COL25A1: variants seen among roughly 807,000 people sequenced by gnomAD.
COL25A1 encodes collagen alpha-1(XXV) chain.
In COL25A1, 103 loss-of-function variants were observed where a neutral mutation model predicts 128.4. The ratio of observed to expected loss-of-function variants is 0.80; its 90% CI spans 0.68 to 0.94. COL25A1 has a LOEUF of 0.94. COL25A1 is among the 40% of genes least tolerant of loss of function. COL25A1 has a pLI of 0.00. For synonymous variants in COL25A1, 279 were observed against 277.2 expected (o/e 1.01, Z -0.06); for missense variants, 745 against 840.0 (o/e 0.89, Z 1.40).
intron 3 of COL25A1, among the ~76,000 whole-genome samples, chr4:109,238,130 A>G (rs1270974724): frequency 2.6e-5 from 4 of 152,028 alleles, no homozygotes; most frequent in African/African-American, 4.8e-5. Context: ...GTGGGTATAC[A>G]ACTATCTCTT....
chr4:108,884,770 C>T (rs1037030443), intron 18 of COL25A1, among the ~76,000 whole-genome samples: 1 of 152,232 alleles, frequency 6.6e-6, no homozygotes, highest in African/African-American at 2.4e-5. Flanking sequence ...TTAAACCTAA[C>T]TCCAGTCTGT....
chr4:108,862,324 G>A (rs781545265), intron 22 of COL25A1, among the ~76,000 whole-genome samples, 177 bp downstream of exon 22: 7 of 152,126 alleles, frequency 4.6e-5, no homozygotes, highest in African/African-American at 9.7e-5. Flanking sequence ...TGAAACAAAC[G>A]TATTGTTTTG....
chr4:109,125,912 T>C (rs1263485334), intron 3 of COL25A1, among the ~76,000 whole-genome samples: 1 of 151,982 alleles, frequency 6.6e-6, no homozygotes, highest in Non-Finnish European at 1.5e-5. Context: ...CCTTAAAAAA[T>C]ACTATCTACT....
At chr4:109,273,128 C>T (rs6857726) in intron 3 of COL25A1, among the ~76,000 whole-genome samples, 2 of 151,878 alleles carry the variant, frequency 1.3e-5, no homozygotes, top group African/African-American at 2.4e-5. Context: ...AAAAGAGGTC[C>T]GATGCCACAA....
intron 3 of COL25A1, among the ~76,000 whole-genome samples, chr4:109,209,474 A>C (rs1453145126): frequency 6.6e-6 from 1 of 152,300 alleles, no homozygotes; most frequent in East Asian, 1.9e-4. Context: ...AAAATTAAAC[A>C]GAAAAGATTA....
chr4:108,928,715 T>C (rs530281724), intron 11 of COL25A1, among the ~76,000 whole-genome samples: 1 of 151,972 alleles, frequency 6.6e-6, no homozygotes, highest in South Asian at 2.1e-4. Flanking sequence ...ATTTTTGTTT[T>C]TGTTTGTTTG....
At chr4:109,189,248 T>A (rs1578393771) in intron 3 of COL25A1, among the ~76,000 whole-genome samples, 1 of 152,074 alleles carries the variant, frequency 6.6e-6, no homozygotes, top group Non-Finnish European at 1.5e-5. Flanking sequence ...TTTTCTCCTA[T>A]TTAAGATTTT....
At chr4:109,097,829 A>C (rs1765537388) in intron 3 of COL25A1, among the ~76,000 whole-genome samples, 1 of 151,434 alleles carries the variant, frequency 6.6e-6, no homozygotes, top group Admixed American at 6.6e-5. Context: ...ACGCCCAGCT[A>C]ATTTTTGTAT....
intron 3 of COL25A1, among the ~76,000 whole-genome samples, chr4:109,244,262 C>A (rs1780109269): frequency 6.6e-6 from 1 of 151,924 alleles, no homozygotes; most frequent in Non-Finnish European, 1.5e-5. Context: ...ACAGTGTCTA[C>A]ACTGTGAATT....
At chr4:108,975,483 A>C (rs911492973) in intron 6 of COL25A1, among the ~76,000 whole-genome samples, 1 of 152,168 alleles carries the variant, frequency 6.6e-6, no homozygotes, top group Non-Finnish European at 1.5e-5. Context: ...ATAGTAATTC[A>C]TGTCTTTTGT....
chr4:109,195,805 G>T (rs773122234), intron 3 of COL25A1, among the ~76,000 whole-genome samples: 17 of 152,092 alleles, frequency 1.1e-4, no homozygotes, highest in Admixed American at 8.5e-4. Context: ...CAAAATGTTT[G>T]ATTCTGGAAA....
rs547355573 is a variant in COL25A1, at chr4:109,062,152, A to G, written c.368-11973T>C. On this transcript the variant is annotated intron_variant, in intron 3 of 37. Transcript: ENST00000399132. The stretch of plus-strand genomic sequence containing the variant: ...AGCTTCAAAGCATGCTGAAGTTTGG[A>G]CGAGTGTCAGAGGCCTAACTACAAG... Among the ~76,000 whole-genome samples the G allele has an allele frequency of 2.7e-3, 415 of 152,288 alleles. 3 individuals carry two copies. Among genetic ancestry groups the G allele is most frequent in the African/African-American group, 9.3e-3 (385 of 41,562 alleles).
intron 3 of COL25A1, among the ~76,000 whole-genome samples, chr4:109,102,070 ATATGAT>A (rs1377153707): frequency 6.6e-6 from 1 of 152,218 alleles, no homozygotes; most frequent in Non-Finnish European, 1.5e-5. Context: ...ACAGAGCATA[ATATGAT>A]TATCATGTTC....
At chr4:108,913,311 G>A (rs1436266703) in intron 13 of COL25A1, among the ~76,000 whole-genome samples, 1 of 123,538 alleles carries the variant, frequency 8.1e-6, no homozygotes, top group Non-Finnish European at 1.6e-5. Flanking sequence ...TTGTTGCCCA[G>A]GCTGGAGTGA....
chr4:109,264,370 C>T (rs1206358179), intron 3 of COL25A1, among the ~76,000 whole-genome samples: 3 of 152,068 alleles, frequency 2.0e-5, no homozygotes, highest in Non-Finnish European at 4.4e-5. Context: ...CTGGGTATGG[C>T]GTGGAGAACA....
intron 11 of COL25A1, among the ~76,000 whole-genome samples, chr4:108,923,029 A>G (rs1745649574): frequency 6.6e-6 from 1 of 152,190 alleles, no homozygotes; most frequent in Non-Finnish European, 1.5e-5. Context: ...ACAGACACAC[A>G]CACACACGTG....
chr4:108,830,654 C>T (rs1471463014), intron 32 of COL25A1, among the ~76,000 whole-genome samples: 1 of 152,216 alleles, frequency 6.6e-6, no homozygotes, highest in Non-Finnish European at 1.5e-5. Flanking sequence ...GAAACTATGC[C>T]TTCAAAATTC....
At chr4:108,946,395 T>C (rs1748757427) in intron 8 of COL25A1, among the ~76,000 whole-genome samples, 1 of 152,244 alleles carries the variant, frequency 6.6e-6, no homozygotes, top group African/African-American at 2.4e-5. Flanking sequence ...AGTAAGGCAA[T>C]GATAGAGCCA....
intron 6 of COL25A1, among the ~76,000 whole-genome samples, chr4:108,984,713 C>G (rs1380619229): frequency 6.6e-6 from 1 of 152,236 alleles, no homozygotes; most frequent in Non-Finnish European, 1.5e-5. Context: ...CGCGCAGCCC[C>G]TGTTCCTGCC....
Sources: gnomAD v4.1 joint callset for allele counts (sites outside exome capture counted in the v4.1 genomes callset) on GRCh38, gnomAD v4.1.1 for gene constraint, MANE v1.5 for transcripts, NCBI Gene and HGNC (gene_info 2026-07-23, HGNC 2026-07-21) for gene names.